Variants in PRRC2A observed in about 807,000 individuals in gnomAD.
The protein encoded by PRRC2A is protein PRRC2A.
In PRRC2A, 59 loss-of-function variants were observed where a neutral mutation model predicts 224.6. That is an observed-to-expected ratio of 0.26 (90% CI 0.21 to 0.33). The LOEUF (loss-of-function observed/expected upper bound fraction) is 0.33, where lower values mean the gene tolerates loss of function less well. Ranked by LOEUF, PRRC2A falls within the 10% of genes least tolerant of loss-of-function variation. The pLI, the probability that PRRC2A is intolerant of heterozygous loss-of-function variation, is 1.00. For synonymous variants in PRRC2A, 1,194 were observed against 1,109.5 expected, an observed-to-expected ratio of 1.08 and a Z score of -1.51; for missense variants, 3,095 against 2,880.7, an observed-to-expected ratio of 1.07 and a Z score of -1.70.
At position 31,634,796 on chromosome 6, in the gene PRRC2A, A is replaced by G. The variant is rs767927107; in HGVS notation, c.4979A>G (p.Gln1660Arg). 1 of 1,612,804 alleles carries G rather than the reference A, an allele frequency of 6.2e-7. No individual in the cohort carries two copies. The highest frequency in any genetic ancestry group is 1.1e-5 in the South Asian group (1 of 91,074). ...GGGGTGGACCTGAGTGGGGATTCTC[A>G]GGTGTCATCAGGTCCCTGCAGCCAG... ...DSGVDLSGDS[Q>R]VSSGPCSQRS... Residue 1660 changes from glutamine (Q) to arginine (R), a missense_variant, in exon 21 of 31, where the codon CAG becomes CGG. Gln to Arg is a conservative substitution (Grantham distance 43, BLOSUM62 1). Transcript: ENST00000376033.
rs1310362084 is a variant in PRRC2A at position 31,625,523 on chromosome 6, A to G, written c.671A>G (p.Lys224Arg). 1.3e-6 allele frequency: 2 copies of G among 1,581,170 alleles called. No individual in the cohort carries two copies. Among genetic ancestry groups the G allele is most frequent in the Middle Eastern group, 3.4e-4 (2 of 5,918 alleles). The change falls in exon 7 of 31, where the codon AAA becomes AGA. Residue 224 changes from lysine to arginine, a missense_variant. By Grantham distance (26) the Lys-to-Arg change is conservative. Coordinates refer to ENST00000376033, the MANE Select transcript of PRRC2A (RefSeq NM_004638.4). This position sits in a 1 kb window ranked among gnomAD's most constrained non-coding sequence, Gnocchi z 4.1. ...GPDELEGPDS[K>R]LHHGHDPRGG... ...GATGAGCTGGAGGGCCCGGACTCCA[A>G]ACTTCATCATGGTCATGATCCCCGG...
Position 31,630,739 on chromosome 6 carries a change from T to C in PRRC2A, c.2403T>C (p.Ala801=). The part of the protein sequence containing the change: ...WVGDVFTATP[A]EPRPLTSPLR... Reference sequence around the variant, plus strand: ...GAGATGTCTTCACCGCCACACCCGCTGAACCCCGCCCACTTACCTCACCTC... The same window carrying C: ...GAGATGTCTTCACCGCCACACCCGCCGAACCCCGCCCACTTACCTCACCTC... The change falls in exon 15 of 31, where the codon GCT becomes GCC. Residue 801 remains alanine (A), a synonymous_variant. Transcript: ENST00000376033. 6.2e-7 allele frequency: 1 copy of C among 1,614,166 alleles called. No homozygotes were observed. The highest frequency in any genetic ancestry group is 8.5e-7 in the Non-Finnish European group (1 of 1,180,026).
At chr6:31,630,258 A>G (rs1776394790) in intron 14 of PRRC2A, among the ~76,000 whole-genome samples, 2 of 152,220 alleles carry the variant, frequency 1.3e-5, no homozygotes, top group Non-Finnish European at 2.9e-5. Flanking sequence ...TGGAGGTTGT[A>G]GTGAGCCGAG....
In PRRC2A at chr6:31,633,396, G is replaced by A. The variant is rs770693715; in HGVS notation, c.4337G>A (p.Arg1446His). Residue 1446 changes from arginine to histidine, a missense_variant, in exon 17 of 31, where the codon CGT becomes CAT. Physicochemically the swap from Arg to His is conservative, Grantham distance 29 (BLOSUM62 0). Around this residue, in one of 8 missense-constraint regions of PRRC2A, gnomAD observed 2,001 missense variants for 1,764.9 expected, o/e 1.13. Transcript: ENST00000376033. The part of the protein sequence containing the change: ...PKNRSRPPEE[R>H]PPGLPLPPPP... Reference sequence around the variant, plus strand: ...TTCTCCAGTCGTCCTCCAGAGGAGCGTCCCCCGGGGCTTCCCCTGCCTCCC... The same window carrying A: ...TTCTCCAGTCGTCCTCCAGAGGAGCATCCCCCGGGGCTTCCCCTGCCTCCC... 34 of 1,612,668 alleles carry A rather than the reference G, an allele frequency of 2.1e-5. No individual in the cohort carries two copies. Among genetic ancestry groups the A allele is most frequent in the African/African-American group, 9.3e-5 (7 of 74,918 alleles).
In PRRC2A at chr6:31,630,447, C is replaced by T. The variant is rs942773552; in HGVS notation, c.2255-144C>T. ...CTTGTAGGGAATCTGAGTGGATAACCTTGTTATATAAGAGCAGGCAAGGCC... is the reference window on the plus strand; with the variant it reads ...CTTGTAGGGAATCTGAGTGGATAACTTTGTTATATAAGAGCAGGCAAGGCC... On this transcript the variant is annotated intron_variant, in intron 14 of 30. Transcript: ENST00000376033. 25 of 720,550 alleles carry T rather than the reference C, an allele frequency of 3.5e-5. No individual in the cohort carries two copies. The African/African-American group carries it at 4.5e-4, about 13-fold the overall frequency. 44.6% of individuals were successfully genotyped at this position (720,550 alleles called of 1,614,324 possible).
chr6:31,633,974 A>G lies in PRRC2A; in HGVS notation c.4704A>G (p.Pro1568=). ...GTCGGGAGCGGCCTCCCAGAAAACCAGAGCTGCTACAGGAGGTAAGGGATG... is the reference window on the plus strand; with the variant it reads ...GTCGGGAGCGGCCTCCCAGAAAACCGGAGCTGCTACAGGAGGTAAGGGATG... ...PKRRERPPRK[P]ELLQEESLPP... is the part of the protein sequence containing the mutation. Residue 1568 remains proline, a synonymous_variant, in exon 18 of 31, where the codon CCA becomes CCG. Transcript: ENST00000376033. The G allele has an allele frequency of 6.2e-7, 1 of 1,604,532 alleles. No homozygotes were observed. Among genetic ancestry groups the G allele is most frequent in the Non-Finnish European group, 8.5e-7 (1 of 1,177,824 alleles).
Position 31,625,421 on chromosome 6 carries a change from C to A in PRRC2A, c.608-39C>A. The stretch of plus-strand genomic sequence containing the variant: ...CTTTCAGCTGTGTTCACTTGTCCTC[C>A]AATCATTGATACCTCTCTCTACCTT... On this transcript the variant is annotated intron_variant, in intron 6 of 30. Transcript: ENST00000376033. This position sits in a 1 kb window ranked among gnomAD's most constrained non-coding sequence, Gnocchi z 4.1. 6.2e-7 allele frequency: 1 copy of A among 1,609,678 alleles called. No individual in the cohort carries two copies. The highest frequency in any genetic ancestry group is 8.5e-7 in the Non-Finnish European group (1 of 1,176,074).
At chr6:31,629,489 G>A in intron 13 of PRRC2A, 59 bp from the exon 14 acceptor site, 1 of 1,417,476 alleles carries the variant, frequency 7.1e-7, no homozygotes, top group Non-Finnish European at 9.9e-7. Context: ...TTTCTTTGCT[G>A]ATTCCTTTGT....
chr6:31,620,969 C>T (rs986685042), intron 1 of PRRC2A, 111 bp downstream of exon 1: 1 of 154,410 alleles, frequency 6.5e-6, no homozygotes, highest in Admixed American at 6.5e-5. Flanking sequence ...GAGAAGCTGC[C>T]ATTAGCCGCC....
At chr6:31,634,045 C>T (rs1262608433) in intron 18 of PRRC2A, 56 bp downstream of exon 18, 2 of 1,587,622 alleles carry the variant, frequency 1.3e-6, no homozygotes, top group African/African-American at 1.4e-5. Context: ...GAAAATTCTT[C>T]TGGGTTATGT....
chr6:31,630,788 G>A lies in PRRC2A; in HGVS notation c.2452G>A (p.Asp818Asn). 3 of 1,614,158 alleles carry A rather than the reference G, an allele frequency of 1.9e-6. No individual in the cohort carries two copies. The highest frequency in any genetic ancestry group is 2.5e-6 in the Non-Finnish European group (3 of 1,180,012). ...TCTGCGCCAGGCTGCGGATGAGGAT[G>A]ACAAGGGGATGAGGTGAGTCTTGGT... The part of the protein sequence containing the change: ...SPLRQAADED[D>N]KGMRSETPPV... The change falls in exon 15 of 31, where the codon GAC becomes AAC. Residue 818 changes from aspartate (D) to asparagine (N), a missense_variant. Around this residue, in one of 8 missense-constraint regions of PRRC2A, gnomAD observed 2,001 missense variants for 1,764.9 expected, o/e 1.13. Coordinates refer to ENST00000376033, the MANE Select transcript of PRRC2A (RefSeq NM_004638.4).
rs760425393 is a variant in PRRC2A, at chr6:31,626,878, CAG to C, written c.1073+17_1073+18del. ...CTGAGGGCCAGTGAGTTAGGGCCAT[CAG>C]GGGAGAAGAGGAGGGGGTCTTGGTT... On this transcript the variant is annotated intron_variant, in intron 10 of 30. Transcript: ENST00000376033. 78 of 1,612,090 alleles carry C rather than the reference CAG, an allele frequency of 4.8e-5. No individual in the cohort carries two copies. In the African/African-American group the frequency reaches 8.0e-4, roughly 17 times the overall value.
At position 31,620,718 on chromosome 6, in the gene PRRC2A, C is replaced by G. The variant is rs1775142274; in HGVS notation, c.-241C>G. 1 of 152,118 alleles carries G rather than the reference C, an allele frequency of 6.6e-6. No individual in the cohort carries two copies. The highest frequency in any genetic ancestry group is 1.5e-5 in the Non-Finnish European group (1 of 68,008). The allele number at this position is 152,118 out of a possible 1,614,324, so 9.4% of individuals were successfully genotyped here. A position where few individuals can be genotyped will look rare whatever the true frequency, so the allele number is the denominator to read the frequency against. ...GCGGTTGCCCGGATGGGCCGTTAGT[C>G]GGGGCTCAGCCGCGGAGTGAGCGAG... On this transcript the variant is annotated 5_prime_UTR_variant, in exon 1 of 31. Coordinates refer to ENST00000376033, the MANE Select transcript of PRRC2A (RefSeq NM_004638.4).
At position 31,630,662 on chromosome 6, in the gene PRRC2A, A is replaced by G. The variant is rs181409340; in HGVS notation, c.2326A>G (p.Met776Val). ...SEPFDRHAPAMLRERGTPPVD... is the reference protein window; with the variant it reads ...SEPFDRHAPAVLRERGTPPVD... ...GCCATTTGACCGTCATGCACCTGCT[A>G]TGTTACGGGAACGGGGCACTCCACC... The change falls in exon 15 of 31, where the codon ATG becomes GTG. Residue 776 changes from methionine to valine, a missense_variant. Around this residue, in one of 8 missense-constraint regions of PRRC2A, gnomAD observed 2,001 missense variants for 1,764.9 expected, o/e 1.13. Coordinates refer to ENST00000376033, the MANE Select transcript of PRRC2A (RefSeq NM_004638.4). 6.8e-6 allele frequency: 11 copies of G among 1,614,062 alleles called. No individual in the cohort carries two copies. The highest frequency in any genetic ancestry group is 2.2e-5 in the South Asian group (2 of 91,082).
At position 31,630,260 on chromosome 6, in the gene PRRC2A, T is replaced by A. The variant is rs35700586; in HGVS notation, c.2255-331T>A. Among the ~76,000 whole-genome samples, 1,385 of 152,322 alleles carry A rather than the reference T, an allele frequency of 9.1e-3. 7 individuals are homozygous for A. Among genetic ancestry groups the A allele is most frequent in the South Asian group, 0.034 (164 of 4,828 alleles). ...TGAACCCAGGAGGTGGAGGTTGTAG[T>A]GAGCCGAGATTGTGCCATCGCACTC... On this transcript the variant is annotated intron_variant, in intron 14 of 30. Coordinates refer to ENST00000376033, the MANE Select transcript of PRRC2A (RefSeq NM_004638.4).
At position 31,637,654 on chromosome 6, in the gene PRRC2A, G is replaced by C; in HGVS notation, c.*68G>C. On this transcript the variant is annotated 3_prime_UTR_variant, in exon 31 of 31. Coordinates refer to ENST00000376033, the MANE Select transcript of PRRC2A (RefSeq NM_004638.4). ...TTATAAATATATAAGGGGGAAAGGG[G>C]TGGGCGGGGAGGGGTTCTGGGGCTG... is the stretch of plus-strand genomic sequence containing the variant. The C allele has an allele frequency of 1.1e-6, 1 of 929,184 alleles. No individual in the cohort carries two copies. The highest frequency in any genetic ancestry group is 1.5e-6 in the Non-Finnish European group (1 of 669,994). The allele number at this position is 929,184 out of a possible 1,614,324, so 57.6% of individuals were successfully genotyped here. A position where few individuals can be genotyped will look rare whatever the true frequency, so the allele number is the denominator to read the frequency against.
rs1775857574 is a variant in PRRC2A at position 31,625,925 on chromosome 6, G to A, written c.839+54G>A. The A allele has an allele frequency of 3.2e-6, 5 of 1,581,544 alleles. No homozygotes were observed. The highest frequency in any genetic ancestry group is 3.5e-6 in the Non-Finnish European group (4 of 1,154,944). On this transcript the variant is annotated intron_variant, in intron 8 of 30. Coordinates refer to ENST00000376033, the MANE Select transcript of PRRC2A (RefSeq NM_004638.4). This position sits in a 1 kb window ranked among gnomAD's most constrained non-coding sequence, Gnocchi z 4.1. Reference sequence around the variant, plus strand: ...TGGGGGCAGGGGAAGCTTATTGGGGGAGGAGATGGTTTTCTAGCCAGGAGG... The same window carrying A: ...TGGGGGCAGGGGAAGCTTATTGGGGAAGGAGATGGTTTTCTAGCCAGGAGG...
rs114452424 is a variant in PRRC2A, at chr6:31,625,592, G to A, written c.740G>A (p.Arg247His). The A allele has an allele frequency of 3.9e-4, 606 of 1,572,534 alleles. 2 individuals carry two copies. In the East Asian group the frequency reaches 0.012, roughly 32 times the overall value. The change falls in exon 7 of 31, where the codon CGC becomes CAC. Residue 247 changes from arginine (R) to histidine (H), a missense_variant. Around this residue, in one of 8 missense-constraint regions of PRRC2A, gnomAD observed 287 missense variants for 275.3 expected, o/e 1.04. Transcript: ENST00000376033. The surrounding 1 kb of genome is among the most constrained non-coding windows in gnomAD (Gnocchi z 4.1). The part of the protein sequence containing the change: ...PSGPPQFPPY[R>H]GMMPPFMYPP... ...GGCCCACCCCAGTTCCCTCCCTACC[G>A]CGGAATGATGCCGCCTTTCGTGAGT... is the stretch of plus-strand genomic sequence containing the variant.
rs918381590 is a variant in PRRC2A, at chr6:31,630,451, T to TTA, written c.2255-135_2255-134dup. The stretch of plus-strand genomic sequence containing the variant: ...TAGGGAATCTGAGTGGATAACCTTG[T>TTA]TATATAAGAGCAGGCAAGGCCCGGA... On this transcript the variant is annotated intron_variant, in intron 14 of 30. Coordinates refer to ENST00000376033, the MANE Select transcript of PRRC2A (RefSeq NM_004638.4). 136 of 734,348 alleles carry TTA rather than the reference T, an allele frequency of 1.9e-4. No individual in the cohort carries two copies. The African/African-American group carries it at 2.3e-3, about 13-fold the overall frequency. 45.5% of individuals were successfully genotyped at this position (734,348 alleles called of 1,614,324 possible). A position where few individuals can be genotyped will look rare whatever the true frequency, so the allele number is the denominator to read the frequency against.
Sources: gnomAD v4.1 joint callset for allele counts (sites outside exome capture counted in the v4.1 genomes callset) on GRCh38, gnomAD v4.1.1 for gene constraint, gnomAD v4.1.1 regional missense constraint, Gnocchi (gnomAD v3.1) non-coding constraint, MANE v1.5 for transcripts, NCBI Gene and HGNC (gene_info 2026-07-23, HGNC 2026-07-21) for gene names.